The following MAGI2 variants were observed in gnomAD, a reference collection of about 807,000 sequenced individuals.
MAGI2 encodes the protein membrane associated guanylate kinase, WW and PDZ domain containing 2, also known as membrane-associated guanylate kinase, WW and PDZ domain-containing protein 2.
In MAGI2, 35 loss-of-function variants were observed where a neutral mutation model predicts 133.3. That is an observed-to-expected ratio of 0.26 (90% CI 0.20 to 0.35). The LOEUF (loss-of-function observed/expected upper bound fraction) is 0.35, where lower values mean the gene tolerates loss of function less well. MAGI2 is among the 10% of genes least tolerant of loss of function. The pLI is 1.00. For missense variants in MAGI2, 1,636 were observed against 1,863.4 expected (o/e 0.88, Z 2.25); for synonymous variants, 729 against 710.6 (o/e 1.03, Z -0.41).
intron 2 of MAGI2, among the ~76,000 whole-genome samples, chr7:78,854,143 C>A (rs999273180): frequency 1.3e-5 from 2 of 151,928 alleles, no homozygotes; most frequent in Admixed American, 1.3e-4. Context: ...TATTTAAAAG[C>A]CTTTCTAAAT....
intron 10 of MAGI2, among the ~76,000 whole-genome samples, chr7:78,228,755 A>G (rs1012115329): frequency 5.3e-5 from 8 of 152,252 alleles, no homozygotes; most frequent in African/African-American, 1.9e-4. Flanking sequence ...CTCATTAAAT[A>G]TAATGTATAT....
Position 78,070,174 on chromosome 7 carries a change from CATATATATATATATAT to C in MAGI2, c.3706+8757_3706+8772del, listed in dbSNP as rs57714371. Among the ~76,000 whole-genome samples, 79 of 56,660 alleles carry C rather than the reference CATATATATATATATAT, an allele frequency of 1.4e-3. 1 individual carries two copies. The highest frequency in any genetic ancestry group is 4.3e-3 in the African/African-American group (62 of 14,482). 37.2% of individuals were successfully genotyped at this position (56,660 alleles called of 152,430 possible). A position where few individuals can be genotyped will look rare whatever the true frequency, so the allele number is the denominator to read the frequency against. On this transcript the variant is annotated intron_variant, in intron 21 of 21. Coordinates refer to ENST00000354212, the MANE Select transcript of MAGI2 (RefSeq NM_012301.4). ...ACACACATATATATACACACACACA[CATATATATATATATAT>C]ATATATATATATATATATATATATA...
At chr7:78,941,836 C>T (rs575435883) in intron 2 of MAGI2, among the ~76,000 whole-genome samples, 14 of 151,726 alleles carry the variant, frequency 9.2e-5, no homozygotes, top group Admixed American at 2.0e-4. Flanking sequence ...CACCTGTTTT[C>T]CCCCTACCCC....
chr7:79,376,879 A>G (rs1843421761), intron 1 of MAGI2, among the ~76,000 whole-genome samples: 1 of 151,282 alleles, frequency 6.6e-6, no homozygotes, highest in Non-Finnish European at 1.5e-5. Context: ...AGAAACATCA[A>G]AAGTTATTCA....
chr7:78,624,099 C>T (rs1209344010), intron 3 of MAGI2, among the ~76,000 whole-genome samples: 1 of 151,942 alleles, frequency 6.6e-6, no homozygotes, highest in Non-Finnish European at 1.5e-5. Context: ...GAGTTTTTTT[C>T]ATGTTTGTTG....
intron 1 of MAGI2, among the ~76,000 whole-genome samples, chr7:79,136,127 A>C (rs143687085): frequency 0.021 from 3,115 of 146,540 alleles, 42 homozygotes; most frequent in Non-Finnish European, 0.029. Context: ...GAAAGAAAGA[A>C]AGACACAAAA....
chr7:78,199,335 G>A (rs955726229), intron 11 of MAGI2, among the ~76,000 whole-genome samples: 1 of 152,202 alleles, frequency 6.6e-6, no homozygotes. Flanking sequence ...CAGTGACTTG[G>A]TAAAGGCTCA....
intron 9 of MAGI2, among the ~76,000 whole-genome samples, chr7:78,282,424 C>T (rs1165069214): frequency 1.3e-5 from 2 of 152,104 alleles, no homozygotes; most frequent in African/African-American, 2.4e-5. Context: ...GGACAGCCAA[C>T]GTCATGTTTT....
chr7:79,273,175 A>G (rs1194508809), intron 1 of MAGI2, among the ~76,000 whole-genome samples: 3 of 152,092 alleles, frequency 2.0e-5, no homozygotes, highest in Non-Finnish European at 4.4e-5. Flanking sequence ...AGTCTTACGT[A>G]GGGATGCCTT....
At chr7:78,513,542 T>C (rs1203946765) in intron 4 of MAGI2, among the ~76,000 whole-genome samples, 2 of 152,058 alleles carry the variant, frequency 1.3e-5, no homozygotes, top group African/African-American at 4.8e-5. Flanking sequence ...CTACAGAGAA[T>C]ATATGACTGT....
intron 4 of MAGI2, among the ~76,000 whole-genome samples, chr7:78,513,339 T>C (rs1417749685): frequency 3.3e-5 from 5 of 152,186 alleles, no homozygotes; most frequent in African/African-American, 7.2e-5. Flanking sequence ...ACTGTTCCCA[T>C]TGATAGAGTC....
intron 2 of MAGI2, among the ~76,000 whole-genome samples, chr7:78,735,940 A>G (rs1821805840): frequency 6.6e-6 from 1 of 152,224 alleles, no homozygotes; most frequent in African/African-American, 2.4e-5. Context: ...TAGGGAGGAA[A>G]TAGGTTCCTT....
At position 78,278,511 on chromosome 7, in the gene MAGI2, A is replaced by C. The variant is rs192773875; in HGVS notation, c.1409-21930T>G. On this transcript the variant is annotated intron_variant, in intron 9 of 21. Coordinates refer to ENST00000354212, the MANE Select transcript of MAGI2 (RefSeq NM_012301.4). The stretch of plus-strand genomic sequence containing the variant: ...ATAGATGTGGAAGATTTTTCTGTTC[A>C]TAAGGACTGTGATGGATAGTTTTAT... 2.2e-4 allele frequency among the ~76,000 whole-genome samples: 34 copies of C among 152,324 alleles called. No individual in the cohort carries two copies. In the East Asian group the frequency reaches 6.6e-3, roughly 29 times the overall value.
At chr7:78,932,719 A>C (rs1472844973) in intron 2 of MAGI2, among the ~76,000 whole-genome samples, 2 of 152,122 alleles carry the variant, frequency 1.3e-5, no homozygotes, top group African/African-American at 2.4e-5. Context: ...ATAGTATTAA[A>C]TTTGTAAAGC....
chr7:79,130,154 C>CT, intron 1 of MAGI2, among the ~76,000 whole-genome samples: 1 of 120,432 alleles, frequency 8.3e-6, no homozygotes, highest in Non-Finnish European at 1.6e-5. Flanking sequence ...ACTCTCTCTA[C>CT]AAAAAAAAAA....
chr7:79,202,994 T>C (rs1585192005), intron 1 of MAGI2, among the ~76,000 whole-genome samples: 1 of 152,064 alleles, frequency 6.6e-6, no homozygotes, highest in East Asian at 1.9e-4. Flanking sequence ...ATCCTGATTA[T>C]CCACAAAATC....
At chr7:78,198,850 C>T (rs1436656420) in intron 11 of MAGI2, among the ~76,000 whole-genome samples, 1 of 152,118 alleles carries the variant, frequency 6.6e-6, no homozygotes, top group Non-Finnish European at 1.5e-5. Context: ...TATCTTGATT[C>T]TGTATTTGAA....
intron 2 of MAGI2, among the ~76,000 whole-genome samples, chr7:78,880,034 T>C (rs986643568): frequency 2.6e-5 from 4 of 152,010 alleles, no homozygotes; most frequent in Admixed American, 2.6e-4. Context: ...CAAAAGAATT[T>C]AATAAAATGA....
chr7:78,270,392 C>T (rs181122103), intron 9 of MAGI2, among the ~76,000 whole-genome samples: 1 of 152,234 alleles, frequency 6.6e-6, no homozygotes, highest in East Asian at 1.9e-4. Context: ...TTCTTCCTAT[C>T]CATGAGCATG....
Sources: gnomAD v4.1 joint callset for allele counts (sites outside exome capture counted in the v4.1 genomes callset) on GRCh38, gnomAD v4.1.1 for gene constraint, MANE v1.5 for transcripts, NCBI Gene and HGNC (gene_info 2026-07-23, HGNC 2026-07-21) for gene names.